The following BICC1 variants were observed in gnomAD, a reference collection of about 807,000 sequenced individuals.
BICC1 encodes the protein BicC family RNA binding protein 1.
BICC1 carries 43 observed loss-of-function variants against 111.0 expected under a neutral mutation model. The ratio of observed to expected loss-of-function variants is 0.39; its 90% CI spans 0.30 to 0.50. The LOEUF (loss-of-function observed/expected upper bound fraction) is 0.50. Among genes scored for constraint, BICC1 ranks in the 20% least tolerant of loss-of-function variants. BICC1 has a pLI of 0.88. For missense variants in BICC1, 1,091 were observed against 1,203.2 expected, an observed-to-expected ratio of 0.91 and a Z score of 1.38; for synonymous variants, 467 against 434.4, an observed-to-expected ratio of 1.07 and a Z score of -0.93.
At chr10:58,786,831 T>A (rs2132795711) in intron 4 of BICC1, 92 bp from the exon 5 acceptor site, 2 of 965,892 alleles carry the variant, frequency 2.1e-6, no homozygotes, top group South Asian at 7.4e-5. Context: ...TGACTTGCTT[T>A]TTGTTAATAC....
At chr10:58,526,494 C>T (rs576214143) in intron 1 of BICC1, among the ~76,000 whole-genome samples, 3 of 152,004 alleles carry the variant, frequency 2.0e-5, no homozygotes, top group Non-Finnish European at 4.4e-5. Context: ...CACCCATTAA[C>T]TCATCACATG....
intron 4 of BICC1, among the ~76,000 whole-genome samples, chr10:58,785,573 C>A (rs1014353193): frequency 1.3e-5 from 2 of 152,014 alleles, no homozygotes; most frequent in Non-Finnish European, 2.9e-5. Flanking sequence ...CTCTCTCTCT[C>A]TCTGTAAGTA....
chr10:58,537,505 A>G (rs1023474028), intron 1 of BICC1, among the ~76,000 whole-genome samples: 2 of 151,874 alleles, frequency 1.3e-5, no homozygotes, highest in Non-Finnish European at 2.9e-5. Flanking sequence ...AAAGCCATCT[A>G]TGACAGATTC....
intron 2 of BICC1, among the ~76,000 whole-genome samples, chr10:58,697,745 G>A (rs192378196): frequency 2.0e-5 from 3 of 151,884 alleles, no homozygotes; most frequent in African/African-American, 4.8e-5. Flanking sequence ...TGTGCTTGTC[G>A]GCCCCCAGAT....
intron 3 of BICC1, among the ~76,000 whole-genome samples, chr10:58,740,009 T>C (rs535524504): frequency 1.4e-4 from 21 of 152,292 alleles, no homozygotes; most frequent in African/African-American, 4.1e-4. Context: ...GGTCAGATTG[T>C]CTGTATTTGA....
At chr10:58,729,263 C>A (rs1589071341) in intron 3 of BICC1, among the ~76,000 whole-genome samples, 1 of 152,178 alleles carries the variant, frequency 6.6e-6, no homozygotes, top group Non-Finnish European at 1.5e-5. Flanking sequence ...ATTTTCATAG[C>A]TAGATCTTCT....
chr10:58,644,922 AC>A (rs1035744765), intron 2 of BICC1, among the ~76,000 whole-genome samples: 5 of 152,198 alleles, frequency 3.3e-5, no homozygotes, highest in African/African-American at 1.2e-4. Context: ...ACTTTTAAAT[AC>A]CGGTTCTTAA....
At chr10:58,729,594 T>C (rs1036641484) in intron 3 of BICC1, among the ~76,000 whole-genome samples, 1 of 151,872 alleles carries the variant, frequency 6.6e-6, no homozygotes, top group Non-Finnish European at 1.5e-5. Context: ...AGAAAAGAGG[T>C]TTAATTGGCT....
At chr10:58,750,154 G>C (rs1417780908) in intron 3 of BICC1, among the ~76,000 whole-genome samples, 1 of 152,062 alleles carries the variant, frequency 6.6e-6, no homozygotes, top group African/African-American at 2.4e-5. Flanking sequence ...TCAATGTTCA[G>C]GGCATTGTGA....
chr10:58,775,618 T>C (rs1241789860), intron 3 of BICC1, among the ~76,000 whole-genome samples: 1 of 152,238 alleles, frequency 6.6e-6, no homozygotes, highest in East Asian at 1.9e-4. Context: ...TTAGGATCCT[T>C]CATTTCTACT....
intron 1 of BICC1, among the ~76,000 whole-genome samples, chr10:58,578,012 G>A (rs1420122282): frequency 1.3e-5 from 2 of 152,060 alleles, no homozygotes; most frequent in Non-Finnish European, 2.9e-5. Flanking sequence ...AGATTTCATT[G>A]TATTATAGCC....
At chr10:58,625,137 T>G (rs1483138829) in intron 2 of BICC1, among the ~76,000 whole-genome samples, 1 of 152,224 alleles carries the variant, frequency 6.6e-6, no homozygotes, top group Non-Finnish European at 1.5e-5. Flanking sequence ...TTATCAGTAC[T>G]CTCCGTCCAC....
At chr10:58,763,234 T>G (rs1416992469) in intron 3 of BICC1, among the ~76,000 whole-genome samples, 14 of 152,144 alleles carry the variant, frequency 9.2e-5, no homozygotes, top group Non-Finnish European at 1.8e-4. Context: ...ACTTTAAAAA[T>G]ATTGGAGATA....
chr10:58,526,633 G>A (rs1266303601), intron 1 of BICC1, among the ~76,000 whole-genome samples: 4 of 152,148 alleles, frequency 2.6e-5, no homozygotes, highest in Non-Finnish European at 4.4e-5. Context: ...CTGTGTCCAA[G>A]TGTTCTCATT....
intron 3 of BICC1, among the ~76,000 whole-genome samples, chr10:58,704,163 G>A (rs1447489652): frequency 6.6e-6 from 1 of 152,166 alleles, no homozygotes; most frequent in East Asian, 1.9e-4. Flanking sequence ...ACATTCGAGG[G>A]TGTTTGGCAT....
intron 1 of BICC1, among the ~76,000 whole-genome samples, chr10:58,542,901 A>G (rs1424064810): frequency 6.6e-6 from 1 of 152,112 alleles, no homozygotes; most frequent in Non-Finnish European, 1.5e-5. Flanking sequence ...GAGAAATTGC[A>G]ATCCTTTTGC....
intron 9 of BICC1, among the ~76,000 whole-genome samples, chr10:58,794,268 G>A (rs1026364537): frequency 6.6e-6 from 1 of 151,298 alleles, no homozygotes; most frequent in African/African-American, 2.4e-5. Flanking sequence ...CATCTCCTGC[G>A]CAAGCTGGAG....
chr10:58,516,643 G>C (rs1373262594), intron 1 of BICC1, among the ~76,000 whole-genome samples: 1 of 152,046 alleles, frequency 6.6e-6, no homozygotes, highest in East Asian at 1.9e-4. Flanking sequence ...TTTTTGATGG[G>C]TGTGGTAAGT....
In BICC1 at chr10:58,789,692, C is replaced by A. The variant is rs1357226138; in HGVS notation, c.806C>A (p.Ala269Asp). ...NNTSAVKEGT[A>D]MLLEHLAGSL... Reference sequence around the variant, plus strand: ...ACCCTTTTCTCTTAGGAAGGAACTGCCATGCTGTTAGAACATCTTGCTGGG... The same window carrying A: ...ACCCTTTTCTCTTAGGAAGGAACTGACATGCTGTTAGAACATCTTGCTGGG... Residue 269 changes from alanine (A) to aspartate (D), a missense_variant, in exon 8 of 21, where the codon GCC (alanine) becomes GAC (aspartate). Ala to Asp is a moderately radical substitution (Grantham distance 126, BLOSUM62 -2). Transcript: ENST00000373886. The A allele has an allele frequency of 6.2e-7, 1 of 1,613,984 alleles. No individual in the cohort carries two copies. Among genetic ancestry groups the A allele is most frequent in the African/African-American group, 1.3e-5 (1 of 74,916 alleles).
Sources: gnomAD v4.1 joint callset for allele counts (sites outside exome capture counted in the v4.1 genomes callset) on GRCh38, gnomAD v4.1.1 for gene constraint, MANE v1.5 for transcripts, NCBI Gene and HGNC (gene_info 2026-07-23, HGNC 2026-07-21) for gene names.